The following UBE4A variants were observed in gnomAD, a reference collection of about 807,000 sequenced individuals.
UBE4A encodes ubiquitin conjugation factor E4 A.
A neutral mutation model predicts 117.9 loss-of-function variants in UBE4A; 48 were observed. The ratio of observed to expected loss-of-function variants is 0.41; its 90% CI spans 0.32 to 0.52. The LOEUF is 0.52. UBE4A is among the 20% of genes least tolerant of loss of function. The pLI is 0.33. For synonymous variants in UBE4A, 407 were observed against 450.0 expected (o/e 0.90, Z 1.21); for missense variants, 1,067 against 1,296.3 (o/e 0.82, Z 2.72).
intron 4 of UBE4A, among the ~76,000 whole-genome samples, chr11:118,370,919 GAA>G (rs1176844811): frequency 2.6e-5 from 4 of 152,190 alleles, no homozygotes; most frequent in Non-Finnish European, 4.4e-5. Flanking sequence ...AGCACCTTGA[GAA>G]AAGCACCAAG....
rs1383181729 is a variant in UBE4A at position 118,372,796 on chromosome 11, G to A, written c.721+130G>A. ...AATTAAGGAGGAGGGCTCACATCTT[G>A]ATCTTTGAGGTTGAGTACCAATAGA... is the stretch of plus-strand genomic sequence containing the variant. On this transcript the variant is annotated intron_variant, in intron 6 of 19. Coordinates refer to ENST00000252108, the MANE Select transcript of UBE4A (RefSeq NM_001204077.2). 3 of 1,347,254 alleles carry A rather than the reference G, an allele frequency of 2.2e-6. No individual in the cohort carries two copies. The African/African-American group carries it at 4.4e-5, about 20-fold the overall frequency. 83.5% of individuals were successfully genotyped at this position (1,347,254 alleles called of 1,614,324 possible).
intron 16 of UBE4A, among the ~76,000 whole-genome samples, chr11:118,388,199 C>T (rs782260234): frequency 4.6e-5 from 7 of 152,080 alleles, no homozygotes; most frequent in Non-Finnish European, 1.0e-4. Context: ...TTGAGGGCAT[C>T]TGTGATAATG....
Position 118,371,622 on chromosome 11 carries a change from A to AT in UBE4A, c.523dup (p.Cys175LeufsTer48). The AT allele has an allele frequency of 6.2e-7, 1 of 1,613,698 alleles. No homozygotes were observed. The highest frequency in any genetic ancestry group is 8.5e-7 in the Non-Finnish European group (1 of 1,180,008). On this transcript the variant is annotated frameshift_variant, in exon 5 of 20. Coordinates refer to ENST00000252108, the MANE Select transcript of UBE4A (RefSeq NM_001204077.2). LOFTEE classifies it high-confidence loss of function. The stretch of plus-strand genomic sequence containing the variant: ...TGATCGAGATGCAGGAGAGAGGCAC[A>AT]TTTTTTGTTACCTTTACTCCTGCTT...
intron 8 of UBE4A, 125 bp downstream of exon 8, chr11:118,373,810 A>T (rs985112046): frequency 7.6e-6 from 9 of 1,185,726 alleles, no homozygotes; most frequent in Non-Finnish European, 1.0e-5. Context: ...CTTTTACATC[A>T]CATAAATAAA....
At chr11:118,369,634 C>A in intron 4 of UBE4A, 99 bp downstream of exon 4, 1 of 710,676 alleles carries the variant, frequency 1.4e-6, no homozygotes. Context: ...GTCCATATGT[C>A]CATCCCTCTC....
At position 118,398,215 on chromosome 11, in the gene UBE4A, T is replaced by C. The variant is rs1283752439; in HGVS notation, c.*1775T>C. ...TTTTCAGGAGAAAACTGGAGGAAAA[T>C]GGGCACAAAAACTCAGAAGGCAGCT... On this transcript the variant is annotated 3_prime_UTR_variant, in exon 20 of 20. Coordinates refer to ENST00000252108, the MANE Select transcript of UBE4A (RefSeq NM_001204077.2). 6.6e-6 allele frequency: 1 copy of C among 152,416 alleles called. No homozygotes were observed. The highest frequency in any genetic ancestry group is 2.4e-5 in the African/African-American group (1 of 41,408). The allele number at this position is 152,416 out of a possible 1,614,324, so 9.4% of individuals were successfully genotyped here.
intron 18 of UBE4A, among the ~76,000 whole-genome samples, chr11:118,392,358 C>CT (rs1272453242): frequency 3.3e-5 from 5 of 152,204 alleles, no homozygotes; most frequent in Non-Finnish European, 5.9e-5. Context: ...ATGAGTGACT[C>CT]TAATTATGCA....
chr11:118,361,344 C>T (rs1014864127), intron 1 of UBE4A, among the ~76,000 whole-genome samples: 3 of 152,042 alleles, frequency 2.0e-5, no homozygotes, highest in African/African-American at 4.8e-5. Context: ...TTATAAATCC[C>T]GAATGACATT....
chr11:118,373,165 A>C lies in UBE4A; in HGVS notation c.801A>C (p.Glu267Asp). The change falls in exon 7 of 20, where the codon GAA becomes GAC. Residue 267 changes from glutamate (E) to aspartate (D), a missense_variant. Glu to Asp is a conservative substitution (Grantham distance 45, BLOSUM62 2). Around this residue, in one of 3 missense-constraint regions of UBE4A, gnomAD observed 1,001 missense variants for 1,184.0 expected, o/e 0.85. Transcript: ENST00000252108. ...ILDEEVRTFP[E>D]VMIPVFDILL... ...ATGAGGAAGTTAGAACATTTCCAGA[A>C]GTCATGATTCCAGTGTTTGATATTT... The C allele has an allele frequency of 6.2e-7, 1 of 1,614,088 alleles. No individual in the cohort carries two copies. Among genetic ancestry groups the C allele is most frequent in the Non-Finnish European group, 8.5e-7 (1 of 1,180,016 alleles).
Position 118,396,506 on chromosome 11 carries a change from C to G in UBE4A, c.*66C>G. 1.3e-6 allele frequency: 2 copies of G among 1,511,256 alleles called. No homozygotes were observed. Among genetic ancestry groups the G allele is most frequent in the Non-Finnish European group, 1.8e-6 (2 of 1,127,226 alleles). The allele number at this position is 1,511,256 out of a possible 1,614,324, so 93.6% of individuals were successfully genotyped here. ...AGATAAACAATTGTTTGTGGTTTCT[C>G]TCTTTCTGGTTCTGTTCCTTTTCTT... On this transcript the variant is annotated 3_prime_UTR_variant, in exon 20 of 20. Coordinates refer to ENST00000252108, the MANE Select transcript of UBE4A (RefSeq NM_001204077.2).
chr11:118,381,580 C>T (rs1948706072), intron 12 of UBE4A, 57 bp downstream of exon 12: 1 of 1,576,892 alleles, frequency 6.3e-7, no homozygotes, highest in African/African-American at 1.4e-5. Flanking sequence ...ATTCAGAAGA[C>T]TTCTAAACCA....
rs201553392 is a variant in UBE4A at position 118,386,637 on chromosome 11, C to T, written c.2587+25C>T. On this transcript the variant is annotated intron_variant, in intron 16 of 19. Coordinates refer to ENST00000252108, the MANE Select transcript of UBE4A (RefSeq NM_001204077.2). Reference sequence around the variant, plus strand: ...GGTAAGGACATGAAGTACTGCTTCCCCCCAAAAAAGTAATGGCCAAGATCA... The same window carrying T: ...GGTAAGGACATGAAGTACTGCTTCCTCCCAAAAAAGTAATGGCCAAGATCA... 3.3e-6 allele frequency: 5 copies of T among 1,497,588 alleles called. No individual in the cohort carries two copies. In the East Asian group the frequency reaches 1.0e-4, roughly 31 times the overall value. 92.8% of individuals were successfully genotyped at this position (1,497,588 alleles called of 1,614,324 possible).
At chr11:118,391,341 T>G (rs1555128422) in intron 18 of UBE4A, among the ~76,000 whole-genome samples, 1 of 151,632 alleles carries the variant, frequency 6.6e-6, no homozygotes, top group African/African-American at 2.4e-5. Flanking sequence ...ATACAAAAAT[T>G]AGCTGGGTGT....
At position 118,392,729 on chromosome 11, in the gene UBE4A, T is replaced by C; in HGVS notation, c.2917-9T>C. Reference sequence around the variant, plus strand: ...AATTCACTTTAACTACCAGATGTTGTATACTCAGTCTCTTGCAGACCTCCA... The same window carrying C: ...AATTCACTTTAACTACCAGATGTTGCATACTCAGTCTCTTGCAGACCTCCA... On this transcript the variant is annotated splice_polypyrimidine_tract_variant and intron_variant, in intron 18 of 19. Coordinates refer to ENST00000252108, the MANE Select transcript of UBE4A (RefSeq NM_001204077.2). 2 of 1,612,980 alleles carry C rather than the reference T, an allele frequency of 1.2e-6. No individual in the cohort carries two copies. Among genetic ancestry groups the C allele is most frequent in the Non-Finnish European group, 1.7e-6 (2 of 1,179,466 alleles).
At chr11:118,384,992 A>G (rs781794582) in intron 15 of UBE4A, 47 bp downstream of exon 15, 2 of 1,475,654 alleles carry the variant, frequency 1.4e-6, no homozygotes, top group African/African-American at 1.4e-5. Flanking sequence ...CATACCATCA[A>G]ATCATCAGCA....
intron 2 of UBE4A, among the ~76,000 whole-genome samples, chr11:118,368,253 A>G (rs529545687): frequency 3.9e-5 from 6 of 152,338 alleles, no homozygotes; most frequent in Admixed American, 3.9e-4. Flanking sequence ...ACAGTTAAGA[A>G]CTATTAAAAC....
At chr11:118,369,274 T>C in intron 3 of UBE4A, 149 bp from the exon 4 acceptor site, 1 of 618,468 alleles carries the variant, frequency 1.6e-6, no homozygotes, top group South Asian at 2.0e-5. Flanking sequence ...AAAAAAAGAT[T>C]TGAATCTTTA....
Position 118,379,607 on chromosome 11 carries a change from C to G in UBE4A, c.1733C>G (p.Pro578Arg). 6.2e-7 allele frequency: 1 copy of G among 1,614,200 alleles called. No individual in the cohort carries two copies. Among genetic ancestry groups the G allele is most frequent in the Non-Finnish European group, 8.5e-7 (1 of 1,180,030 alleles). Residue 578 changes from proline (P) to arginine (R), a missense_variant, in exon 11 of 20, where the codon CCA (proline) becomes CGA (arginine). Transcript: ENST00000252108. ...YLSTKTAMTE[P>R]QMLQNCLNLQ... ...TCTACCAAGACTGCCATGACAGAGC[C>G]ACAAATGCTACAAAACTGCCTAAAC...
chr11:118,361,009 T>TG (rs1434331459), intron 1 of UBE4A, among the ~76,000 whole-genome samples: 19 of 89,670 alleles, frequency 2.1e-4, no homozygotes, highest in South Asian at 1.4e-3. Flanking sequence ...TGTGTGTGTA[T>TG]TTTTTTTTTT....
Sources: allele counts gnomAD v4.1 joint callset (sites outside exome capture counted in the v4.1 genomes callset), GRCh38; gene constraint gnomAD v4.1.1; regional missense constraint gnomAD v4.1.1; transcripts MANE v1.5; gene names NCBI Gene and HGNC (gene_info 2026-07-23, HGNC 2026-07-21).